Variants in EIPR1 observed in about 807,000 individuals in gnomAD.
EIPR1 encodes the protein EARP complex and GARP complex interacting protein 1.
A neutral mutation model predicts 48.1 loss-of-function variants in EIPR1; 25 were observed. The observed-to-expected ratio is 0.52, with a 90% CI of 0.38 to 0.73. The LOEUF is 0.73. Among genes scored for constraint, EIPR1 ranks in the 30% least tolerant of loss-of-function variants. The probability of loss-of-function intolerance (pLI) is 0.00; values close to 1 mark genes in which losing one functional copy is unlikely to be tolerated. For missense variants in EIPR1, 415 were observed against 506.2 expected, an observed-to-expected ratio of 0.82 and a Z score of 1.73; for synonymous variants, 204 against 201.9, an observed-to-expected ratio of 1.01 and a Z score of -0.09.
In EIPR1 at chr2:3,263,093, G is replaced by A. The variant is rs78979817; in HGVS notation, c.260-5638C>T. On this transcript the variant is annotated intron_variant, in intron 3 of 8. Coordinates refer to ENST00000382125, the MANE Select transcript of EIPR1 (RefSeq NM_003310.5). ...AGCTGCTTTACAGATCAATGAGTTCGGGAGAGGGCATAAGCCAAACATTGG... is the reference window on the plus strand; with the variant it reads ...AGCTGCTTTACAGATCAATGAGTTCAGGAGAGGGCATAAGCCAAACATTGG... Among the ~76,000 whole-genome samples the A allele has an allele frequency of 0.032, 4,886 of 152,290 alleles. 885 individuals carry two copies. The East Asian group carries it at 0.55, about 17-fold the overall frequency.
chr2:3,281,650 C>T (rs1306427024), intron 3 of EIPR1, among the ~76,000 whole-genome samples: 5 of 152,150 alleles, frequency 3.3e-5, no homozygotes, highest in African/African-American at 9.7e-5. Flanking sequence ...AACTAGCTCC[C>T]TTCAGACGGT....
At chr2:3,355,241 G>C (rs886597720) in intron 1 of EIPR1, among the ~76,000 whole-genome samples, 1 of 152,158 alleles carries the variant, frequency 6.6e-6, no homozygotes, top group Admixed American at 6.5e-5. Flanking sequence ...TGACAGACTC[G>C]TGGAGCTCAG....
At chr2:3,246,627 A>G (rs1236173976) in intron 4 of EIPR1, among the ~76,000 whole-genome samples, 1 of 151,978 alleles carries the variant, frequency 6.6e-6, no homozygotes, top group African/African-American at 2.4e-5. Context: ...CATGCAGGTG[A>G]CGGGCACTTG....
intron 8 of EIPR1, among the ~76,000 whole-genome samples, chr2:3,191,657 A>T (rs12476669): frequency 0.88 from 133,946 of 152,176 alleles, 59,466 homozygotes; most frequent in Middle Eastern, 0.92. Flanking sequence ...TGCGGTTGCA[A>T]CTGAATTGCA....
At chr2:3,196,611 A>G (rs776733172) in intron 6 of EIPR1, among the ~76,000 whole-genome samples, 1 of 152,168 alleles carries the variant, frequency 6.6e-6, no homozygotes, top group Non-Finnish European at 1.5e-5. Context: ...CCCAATTCCT[A>G]GTTTTCATAA....
chr2:3,294,393 C>A (rs1373752655), intron 3 of EIPR1, among the ~76,000 whole-genome samples: 2 of 143,876 alleles, frequency 1.4e-5, no homozygotes, highest in Non-Finnish European at 3.0e-5. Context: ...CCACACACAC[C>A]CTCCACCCAG....
At chr2:3,290,763 G>C (rs1427772423) in intron 3 of EIPR1, among the ~76,000 whole-genome samples, 2 of 152,236 alleles carry the variant, frequency 1.3e-5, no homozygotes, top group Non-Finnish European at 2.9e-5. Context: ...TGTGACAGGA[G>C]AGGCCCCATG....
chr2:3,283,944 T>TAAAAAAAAAAAAAAAAAAAAA (rs59593196), intron 3 of EIPR1, among the ~76,000 whole-genome samples: 2 of 92,844 alleles, frequency 2.2e-5, no homozygotes, highest in African/African-American at 4.5e-5. Context: ...AGACTACATC[T>TAAAAAAAAAAAAAAAAAAAAA]AAAAAAAAAA....
chr2:3,336,022 C>CTCGGGAAGA (rs1196091903), intron 3 of EIPR1, among the ~76,000 whole-genome samples: 22 of 152,120 alleles, frequency 1.4e-4, no homozygotes, highest in Non-Finnish European at 1.5e-5. Flanking sequence ...TGGTTAAAGC[C>CTCGGGAAGA]TCGGGAAGAT....
chr2:3,344,634 CTTTTTT>C (rs1178498027), intron 2 of EIPR1, among the ~76,000 whole-genome samples: 4 of 74,192 alleles, frequency 5.4e-5, no homozygotes, highest in Non-Finnish European at 7.6e-5. Flanking sequence ...GGTTCTGGTT[CTTTTTT>C]TTTTTTTTTT....
intron 3 of EIPR1, among the ~76,000 whole-genome samples, chr2:3,263,499 A>T (rs566598201): frequency 6.6e-6 from 1 of 152,326 alleles, no homozygotes; most frequent in African/African-American, 2.4e-5. Flanking sequence ...CCACCACTAC[A>T]AATAGCACAT....
intron 4 of EIPR1, among the ~76,000 whole-genome samples, chr2:3,254,330 A>G (rs1485605081): frequency 6.6e-6 from 1 of 152,168 alleles, no homozygotes; most frequent in Non-Finnish European, 1.5e-5. Flanking sequence ...AAACTAACTG[A>G]GCCGAGAGAA....
chr2:3,275,497 G>T (rs566947447), intron 3 of EIPR1, among the ~76,000 whole-genome samples: 96 of 152,114 alleles, frequency 6.3e-4, no homozygotes, highest in African/African-American at 2.3e-3. Flanking sequence ...GGTTATAAAA[G>T]ATTCAAACAC....
At chr2:3,232,459 G>A (rs1255142513) in intron 4 of EIPR1, among the ~76,000 whole-genome samples, 3 of 151,846 alleles carry the variant, frequency 2.0e-5, no homozygotes, top group Admixed American at 6.6e-5. Flanking sequence ...TTCCTTCTTA[G>A]ACCTGCTTTT....
In EIPR1 at chr2:3,373,886, T is replaced by C. The variant is rs573490418; in HGVS notation, c.42+3762A>G. ...AGAATTAGAAAAAACTACTTTAAAG[T>C]TCATATGGAACCAAAAAAGAGCCCT... is the stretch of plus-strand genomic sequence containing the variant. On this transcript the variant is annotated intron_variant, in intron 1 of 8. Transcript: ENST00000382125. 2.7e-3 allele frequency among the ~76,000 whole-genome samples: 412 copies of C among 151,926 alleles called. No individual in the cohort carries two copies. In the Middle Eastern group the frequency reaches 0.027, roughly 10 times the overall value.
chr2:3,271,138 G>T (rs1365028835), intron 3 of EIPR1, among the ~76,000 whole-genome samples: 1 of 152,156 alleles, frequency 6.6e-6, no homozygotes, highest in African/African-American at 2.4e-5. Flanking sequence ...TAGCAATTCA[G>T]TCCCATCTTC....
At chr2:3,330,216 G>A (rs1467103516) in intron 3 of EIPR1, among the ~76,000 whole-genome samples, 2 of 152,244 alleles carry the variant, frequency 1.3e-5, no homozygotes, top group African/African-American at 4.8e-5. Flanking sequence ...TCAGCTAAAT[G>A]CAGGAGTTAG....
chr2:3,207,954 T>C (rs1232775141), intron 5 of EIPR1: 1 of 152,898 alleles, frequency 6.5e-6, no homozygotes, highest in Non-Finnish European at 1.5e-5. Context: ...ACATATTTTC[T>C]TAAAGATAAT....
chr2:3,290,393 C>T (rs971688557), intron 3 of EIPR1, among the ~76,000 whole-genome samples: 3 of 152,166 alleles, frequency 2.0e-5, no homozygotes, highest in African/African-American at 4.8e-5. Context: ...TATTTTACCA[C>T]TAAAATGTGA....
Sources: gnomAD v4.1 joint callset for allele counts (sites outside exome capture counted in the v4.1 genomes callset) on GRCh38, gnomAD v4.1.1 for gene constraint, MANE v1.5 for transcripts, NCBI Gene and HGNC (gene_info 2026-07-23, HGNC 2026-07-21) for gene names.